AUTS2: variants seen among roughly 807,000 people sequenced by gnomAD.
AUTS2 encodes the protein autism susceptibility gene 2 protein.
In AUTS2, 17 loss-of-function variants were observed where a neutral mutation model predicts 112.4. The ratio of observed to expected loss-of-function variants is 0.15; its 90% CI spans 0.10 to 0.23. The LOEUF (loss-of-function observed/expected upper bound fraction) is 0.23. Among genes scored for constraint, AUTS2 ranks in the 10% least tolerant of loss-of-function variants. The pLI, the probability that AUTS2 is intolerant of heterozygous loss-of-function variation, is 1.00. For synonymous variants in AUTS2, 751 were observed against 702.7 expected, an observed-to-expected ratio of 1.07 and a Z score of -1.09; for missense variants, 1,510 against 1,701.6, an observed-to-expected ratio of 0.89 and a Z score of 1.98.
intron 6 of AUTS2, among the ~76,000 whole-genome samples, chr7:70,707,430 C>T (rs1198740331): frequency 2.0e-5 from 3 of 152,090 alleles, no homozygotes; most frequent in Non-Finnish European, 4.4e-5. Flanking sequence ...ATGCTCATAG[C>T]AGTCATACTG....
chr7:70,285,955 G>A (rs746882710), intron 4 of AUTS2, among the ~76,000 whole-genome samples: 1 of 152,198 alleles, frequency 6.6e-6, no homozygotes, highest in Non-Finnish European at 1.5e-5. Flanking sequence ...TAGCAATGTT[G>A]TAAGGGGCTG....
chr7:70,164,194 T>C (rs1302967873), intron 4 of AUTS2, among the ~76,000 whole-genome samples: 4 of 152,196 alleles, frequency 2.6e-5, no homozygotes, highest in African/African-American at 9.6e-5. Flanking sequence ...ATCAATCTAG[T>C]TTTCCCTGTT....
At chr7:70,681,175 C>T (rs1585496379) in intron 5 of AUTS2, among the ~76,000 whole-genome samples, 1 of 152,304 alleles carries the variant, frequency 6.6e-6, no homozygotes, top group East Asian at 1.9e-4. Flanking sequence ...CATCTCTCAC[C>T]CGAGTGGCGG....
intron 5 of AUTS2, among the ~76,000 whole-genome samples, chr7:70,669,021 G>A (rs188584921): frequency 7.2e-5 from 11 of 152,358 alleles, no homozygotes; most frequent in Non-Finnish European, 1.6e-4. Context: ...TCTGATACAA[G>A]CAGTCCCCTT....
At chr7:69,855,450 A>G (rs1309604988) in intron 1 of AUTS2, among the ~76,000 whole-genome samples, 1 of 152,208 alleles carries the variant, frequency 6.6e-6, no homozygotes, top group Non-Finnish European at 1.5e-5. Flanking sequence ...TTAGCCTCCA[A>G]ACTTGAAGAC....
intron 1 of AUTS2, among the ~76,000 whole-genome samples, chr7:69,747,247 G>GAATGGGTATTGCTGTGTTGTTATCTGCA (rs1787535103): frequency 6.6e-6 from 1 of 152,208 alleles, no homozygotes; most frequent in Non-Finnish European, 1.5e-5. Flanking sequence ...CTGCTCTGGT[G>GAATGGGTATTGCTGTGTTGTTATCTGCA]AATGGGTATT....
At chr7:69,916,527 C>A (rs1320386458) in intron 2 of AUTS2, among the ~76,000 whole-genome samples, 1 of 152,128 alleles carries the variant, frequency 6.6e-6, no homozygotes, top group African/African-American at 2.4e-5. Flanking sequence ...CTGCCTAGAT[C>A]ATTCACAAAC....
At chr7:70,646,173 G>A (rs183989513) in intron 5 of AUTS2, among the ~76,000 whole-genome samples, 1 of 152,318 alleles carries the variant, frequency 6.6e-6, no homozygotes, top group East Asian at 1.9e-4. Flanking sequence ...TCACAGTTGA[G>A]CTTCAATTCA....
intron 5 of AUTS2, among the ~76,000 whole-genome samples, chr7:70,567,896 T>C (rs896702492): frequency 1.3e-5 from 2 of 152,224 alleles, no homozygotes; most frequent in Non-Finnish European, 2.9e-5. Context: ...AGTGAGGGTA[T>C]AGCTCTCTAG....
chr7:70,013,681 C>G (rs1423636730), intron 2 of AUTS2, among the ~76,000 whole-genome samples: 1 of 152,162 alleles, frequency 6.6e-6, no homozygotes, highest in Non-Finnish European at 1.5e-5. Flanking sequence ...ACTTTTGCCA[C>G]TTTGGAGTTT....
intron 1 of AUTS2, among the ~76,000 whole-genome samples, chr7:69,855,691 T>C (rs1480927317): frequency 6.6e-6 from 1 of 152,216 alleles, no homozygotes; most frequent in Non-Finnish European, 1.5e-5. Context: ...ACTTTAAATG[T>C]TGGTTGTAGT....
intron 4 of AUTS2, among the ~76,000 whole-genome samples, chr7:70,278,358 C>G (rs1788039145): frequency 6.6e-6 from 1 of 151,992 alleles, no homozygotes; most frequent in South Asian, 2.1e-4. Flanking sequence ...GCAGGAGGAT[C>G]GCTTGATTGA....
intron 4 of AUTS2, among the ~76,000 whole-genome samples, chr7:70,165,600 A>G (rs1808339287): frequency 6.6e-6 from 1 of 152,162 alleles, no homozygotes; most frequent in Non-Finnish European, 1.5e-5. Context: ...TCGTCAGATG[A>G]AGCAAGAGAA....
intron 4 of AUTS2, among the ~76,000 whole-genome samples, chr7:70,268,080 G>A (rs942255302): frequency 3.9e-5 from 6 of 152,108 alleles, no homozygotes; most frequent in African/African-American, 1.4e-4. Context: ...TCTATTGCTG[G>A]GAACTTCAGT....
intron 4 of AUTS2, among the ~76,000 whole-genome samples, chr7:70,169,286 G>C (rs1054871608): frequency 6.6e-6 from 1 of 151,918 alleles, no homozygotes. Flanking sequence ...TGTCACCCAG[G>C]CTGAAGTGCA....
chr7:70,087,275 A>AT (rs940795339), intron 2 of AUTS2, among the ~76,000 whole-genome samples: 2 of 130,694 alleles, frequency 1.5e-5, no homozygotes, highest in African/African-American at 3.0e-5. Flanking sequence ...TGATTTTCAA[A>AT]TTTTTTTTAT....
chr7:70,429,712 A>C (rs1203243147), intron 4 of AUTS2, among the ~76,000 whole-genome samples: 1 of 152,198 alleles, frequency 6.6e-6, no homozygotes, highest in Non-Finnish European at 1.5e-5. Context: ...GTGTTTCATA[A>C]ATCTAATAAT....
intron 5 of AUTS2, among the ~76,000 whole-genome samples, chr7:70,605,434 G>A (rs114033281): frequency 9.6e-4 from 145 of 151,364 alleles, no homozygotes; most frequent in African/African-American, 3.2e-3. Flanking sequence ...CAACACAACC[G>A]TTTGAATCAA....
chr7:70,003,461 TGA>T (rs1799328991), intron 2 of AUTS2, among the ~76,000 whole-genome samples: 2 of 125,890 alleles, frequency 1.6e-5, no homozygotes, highest in South Asian at 4.7e-4. Flanking sequence ...ATAATATATA[TGA>T]ATATGTTATA....
Sources: gnomAD v4.1 joint callset for allele counts (sites outside exome capture counted in the v4.1 genomes callset) on GRCh38, gnomAD v4.1.1 for gene constraint, MANE v1.5 for transcripts, NCBI Gene and HGNC (gene_info 2026-07-23, HGNC 2026-07-21) for gene names.